Variants in CHST9 observed in about 807,000 individuals in gnomAD.
CHST9 encodes GalNAc-4-sulfotransferase 2.
Under a neutral mutation model 44.4 loss-of-function variants are expected in CHST9, and 41 were observed. The observed-to-expected ratio is 0.92, with a 90% CI of 0.72 to 1.20. CHST9 has a LOEUF of 1.20. Among genes scored for constraint, CHST9 ranks in the 50% most tolerant of loss-of-function variants. The probability of loss-of-function intolerance (pLI) is 0.00; values close to 1 mark genes in which losing one functional copy is unlikely to be tolerated. For synonymous variants in CHST9, 171 were observed against 178.4 expected, an observed-to-expected ratio of 0.96 and a Z score of 0.33; for missense variants, 504 against 516.5, an observed-to-expected ratio of 0.98 and a Z score of 0.23.
intron 4 of CHST9, among the ~76,000 whole-genome samples, chr18:27,023,491 A>T (rs1377306987): frequency 2.0e-5 from 3 of 152,184 alleles, no homozygotes; most frequent in African/African-American, 7.2e-5. Flanking sequence ...GTCTAAGGGG[A>T]TATCTACTTC....
chr18:26,977,826 A>G lies in CHST9; in HGVS notation c.203-33460T>C, dbSNP rs531696171. On this transcript the variant is annotated intron_variant, in intron 4 of 5. Transcript: ENST00000618847. ...TCTCATTCCAAGTGGTGACATTTAT[A>G]TGCAGGGTGTCCAACATGTCATTAG... 1.7e-3 allele frequency among the ~76,000 whole-genome samples: 252 copies of G among 152,306 alleles called. 1 individual carries two copies. The highest frequency in any genetic ancestry group is 2.9e-3 in the Non-Finnish European group (197 of 68,030).
chr18:26,970,282 G>A (rs184948831), intron 4 of CHST9, among the ~76,000 whole-genome samples: 11 of 152,284 alleles, frequency 7.2e-5, no homozygotes, highest in Admixed American at 4.6e-4. Context: ...CTTTATTTCA[G>A]ATTCAAGATC....
chr18:27,104,320 T>C (rs189971546), intron 2 of CHST9, among the ~76,000 whole-genome samples: 21 of 152,356 alleles, frequency 1.4e-4, no homozygotes, highest in African/African-American at 3.8e-4. Flanking sequence ...GTCTGACTGA[T>C]TGGCAGATGC....
chr18:27,002,396 G>A (rs551635712), intron 4 of CHST9, among the ~76,000 whole-genome samples: 7 of 152,234 alleles, frequency 4.6e-5, no homozygotes, highest in Middle Eastern at 3.4e-3. Flanking sequence ...ATGCAATACA[G>A]ACCTATGTCC....
chr18:27,176,198 G>A (rs1431067822), intron 1 of CHST9, among the ~76,000 whole-genome samples: 1 of 151,986 alleles, frequency 6.6e-6, no homozygotes, highest in Non-Finnish European at 1.5e-5. Flanking sequence ...CTGAGTTTTG[G>A]TCTTTATCTT....
chr18:27,128,185 T>C (rs745893999), intron 2 of CHST9, among the ~76,000 whole-genome samples: 7 of 152,196 alleles, frequency 4.6e-5, no homozygotes, highest in East Asian at 1.9e-4. Context: ...CCATGAAATA[T>C]AGTATTTTGT....
At chr18:27,173,628 T>C (rs566807852) in intron 1 of CHST9, among the ~76,000 whole-genome samples, 2 of 152,170 alleles carry the variant, frequency 1.3e-5, no homozygotes, top group East Asian at 3.9e-4. Context: ...CTTCTAAGGA[T>C]AATTTTTTCT....
intron 2 of CHST9, among the ~76,000 whole-genome samples, chr18:27,135,693 G>A (rs1325029418): frequency 2.6e-5 from 4 of 152,190 alleles, no homozygotes; most frequent in Non-Finnish European, 5.9e-5. Context: ...CATCTCTGGG[G>A]AGGAGGCCAG....
intron 1 of CHST9, among the ~76,000 whole-genome samples, chr18:27,150,288 G>A (rs1193154130): frequency 6.6e-6 from 1 of 152,132 alleles, no homozygotes; most frequent in East Asian, 1.9e-4. Context: ...GAGTTAGCCT[G>A]GAGATTAGCT....
intron 2 of CHST9, among the ~76,000 whole-genome samples, chr18:27,067,496 T>C (rs184712377): frequency 6.6e-6 from 1 of 152,036 alleles, no homozygotes; most frequent in African/African-American, 2.4e-5. Context: ...TGTAATAGGG[T>C]CAAAGGATTC....
intron 4 of CHST9, among the ~76,000 whole-genome samples, chr18:27,013,716 T>C (rs556885660): frequency 2.6e-5 from 4 of 152,370 alleles, no homozygotes; most frequent in Non-Finnish European, 5.9e-5. Context: ...TAACTTATTA[T>C]ACACATTTTG....
chr18:26,996,059 C>T (rs753937502), intron 4 of CHST9, among the ~76,000 whole-genome samples: 1 of 152,144 alleles, frequency 6.6e-6, no homozygotes, highest in Non-Finnish European at 1.5e-5. Context: ...GTCTTATAAG[C>T]CAGGAATGGG....
intron 2 of CHST9, among the ~76,000 whole-genome samples, chr18:27,126,423 A>T (rs78797737): frequency 0.011 from 1,677 of 152,264 alleles, 19 homozygotes; most frequent in Non-Finnish European, 0.018. Flanking sequence ...ATTAAACAAC[A>T]CTTTAAATCT....
At chr18:27,131,101 T>C (rs1415758608) in intron 2 of CHST9, among the ~76,000 whole-genome samples, 3 of 152,198 alleles carry the variant, frequency 2.0e-5, no homozygotes, top group Non-Finnish European at 4.4e-5. Flanking sequence ...TACTTTTCAC[T>C]ACAAACTACT....
chr18:27,129,413 T>G (rs1263448623), intron 2 of CHST9, among the ~76,000 whole-genome samples: 1 of 152,114 alleles, frequency 6.6e-6, no homozygotes, highest in African/African-American at 2.4e-5. Context: ...AGTGTTGCTC[T>G]GTCACCCAGG....
chr18:27,024,974 A>G (rs541124721), intron 3 of CHST9, among the ~76,000 whole-genome samples: 1 of 151,524 alleles, frequency 6.6e-6, no homozygotes, highest in South Asian at 2.1e-4. Context: ...CTTACAGAGC[A>G]GTAAGAATGT....
chr18:26,993,539 CT>C (rs2056849563), intron 4 of CHST9, among the ~76,000 whole-genome samples: 1 of 152,012 alleles, frequency 6.6e-6, no homozygotes, highest in Non-Finnish European at 1.5e-5. Flanking sequence ...TACTAAGACA[CT>C]GTAAAGGCAG....
chr18:27,172,619 A>T (rs2058841777), intron 1 of CHST9, among the ~76,000 whole-genome samples: 1 of 152,030 alleles, frequency 6.6e-6, no homozygotes, highest in African/African-American at 2.4e-5. Flanking sequence ...TAAGCTGAAG[A>T]TGAACTGTAA....
intron 1 of CHST9, 76 bp from the exon 2 acceptor site, chr18:27,142,981 A>G: frequency 1.8e-6 from 1 of 551,228 alleles, no homozygotes; most frequent in East Asian, 3.2e-5. Flanking sequence ...AATATTCACT[A>G]TCTCAACAAG....
Sources: allele counts gnomAD v4.1 joint callset (sites outside exome capture counted in the v4.1 genomes callset), GRCh38; gene constraint gnomAD v4.1.1; transcripts MANE v1.5; gene names NCBI Gene and HGNC (gene_info 2026-07-23, HGNC 2026-07-21).